Variants in ZMIZ1 observed in about 807,000 individuals in gnomAD.
ZMIZ1 encodes the protein zinc finger MIZ-type containing 1, also known as zinc finger MIZ domain-containing protein 1.
A neutral mutation model predicts 113.9 loss-of-function variants in ZMIZ1; 17 were observed. That is an observed-to-expected ratio of 0.15 (90% CI 0.10 to 0.22). ZMIZ1 has a LOEUF of 0.22. Among genes scored for constraint, ZMIZ1 ranks in the 10% least tolerant of loss-of-function variants. The pLI is 1.00. For missense variants in ZMIZ1, 1,059 were observed against 1,477.8 expected (o/e 0.72, Z 4.65); for synonymous variants, 607 against 603.1 (o/e 1.01, Z -0.09).
At chr10:79,242,079 T>G (rs1409171925) in intron 7 of ZMIZ1, among the ~76,000 whole-genome samples, 1 of 150,618 alleles carries the variant, frequency 6.6e-6, no homozygotes, top group Non-Finnish European at 1.5e-5. Flanking sequence ...GAGGGGGTAA[T>G]GATGACAGGG....
chr10:79,227,401 G>A (rs1849237077), intron 7 of ZMIZ1, among the ~76,000 whole-genome samples: 1 of 152,226 alleles, frequency 6.6e-6, no homozygotes, highest in Admixed American at 6.5e-5. Context: ...GTTTCATAGA[G>A]AAGGGTGGTC....
At chr10:79,093,076 T>A (rs1277037603) in intron 1 of ZMIZ1, among the ~76,000 whole-genome samples, 1 of 150,622 alleles carries the variant, frequency 6.6e-6, no homozygotes, top group African/African-American at 2.4e-5. Context: ...AGAGAATGAA[T>A]GAGTGGCAGG....
At chr10:79,205,402 C>G in intron 5 of ZMIZ1, among the ~76,000 whole-genome samples, 1 of 152,224 alleles carries the variant, frequency 6.6e-6, no homozygotes, top group East Asian at 1.9e-4. Flanking sequence ...GTTAACTGCT[C>G]CCCAATCATT....
At chr10:79,139,045 C>T (rs1845144817) in intron 2 of ZMIZ1, among the ~76,000 whole-genome samples, 1 of 152,186 alleles carries the variant, frequency 6.6e-6, no homozygotes, top group Non-Finnish European at 1.5e-5. Flanking sequence ...TTAAACTCTG[C>T]ATCTGGGCCT....
chr10:79,292,208 C>G lies in ZMIZ1; in HGVS notation c.809C>G (p.Thr270Ser), dbSNP rs1853542378. The G allele has an allele frequency of 6.2e-7, 1 of 1,612,178 alleles. No individual in the cohort carries two copies. Among genetic ancestry groups the G allele is most frequent in the Non-Finnish European group, 8.5e-7 (1 of 1,179,678 alleles). Reference sequence around the variant, plus strand: ...GCAGGCATGGGCATCCCTCCGCACACCAGGCCGCCTGCTGACTTCACTCAG... The same window carrying G: ...GCAGGCATGGGCATCCCTCCGCACAGCAGGCCGCCTGCTGACTTCACTCAG... ...APAGMGIPPH[T>S]RPPADFTQPA... The change falls in exon 11 of 25, where the codon ACC becomes AGC. Residue 270 changes from threonine (T) to serine (S), a missense_variant. By Grantham distance (58) the Thr-to-Ser change is moderately conservative. Around this residue, in one of 6 missense-constraint regions of ZMIZ1, gnomAD observed 23 missense variants for 73.3 expected, o/e 0.31. Transcript: ENST00000334512.
chr10:79,261,649 A>G (rs1436265223), intron 7 of ZMIZ1, among the ~76,000 whole-genome samples: 3 of 152,222 alleles, frequency 2.0e-5, no homozygotes, highest in African/African-American at 7.2e-5. Context: ...CAGAGGGCTG[A>G]GGGACACCAG....
chr10:79,133,635 T>A (rs1844867424), intron 2 of ZMIZ1, among the ~76,000 whole-genome samples: 1 of 152,134 alleles, frequency 6.6e-6, no homozygotes, highest in Non-Finnish European at 1.5e-5. Context: ...CATGGGGACC[T>A]TGGTAGTGCA....
intron 7 of ZMIZ1, among the ~76,000 whole-genome samples, chr10:79,237,483 A>T (rs1258641453): frequency 6.6e-6 from 1 of 152,230 alleles, no homozygotes; most frequent in East Asian, 1.9e-4. Context: ...GGAAGGTGTC[A>T]GTAGGGCCAA....
intron 1 of ZMIZ1, among the ~76,000 whole-genome samples, chr10:79,081,348 A>T (rs72816226): frequency 0.13 from 19,903 of 152,034 alleles, 1,428 homozygotes; most frequent in East Asian, 0.2. Flanking sequence ...CTCTGGTAAG[A>T]GTCTGGGCAG....
intron 7 of ZMIZ1, among the ~76,000 whole-genome samples, chr10:79,219,140 A>G (rs939777427): frequency 2.6e-5 from 4 of 152,054 alleles, no homozygotes; most frequent in Admixed American, 1.3e-4. Flanking sequence ...GGAAGACAAG[A>G]GTGGAATGGA....
At chr10:79,292,396 C>T in intron 11 of ZMIZ1, 40 bp downstream of exon 11, 1 of 1,582,574 alleles carries the variant, frequency 6.3e-7, no homozygotes, top group East Asian at 2.3e-5. Flanking sequence ...CTTGCCCAGC[C>T]AGCCAGGCAG....
At chr10:79,219,315 G>A (rs960653212) in intron 7 of ZMIZ1, among the ~76,000 whole-genome samples, 3 of 152,220 alleles carry the variant, frequency 2.0e-5, no homozygotes, top group Non-Finnish European at 2.9e-5. Flanking sequence ...CTGCTGGCAC[G>A]TGCTGGGTGT....
chr10:79,285,405 C>G (rs1370963664), intron 8 of ZMIZ1: 1 of 452,674 alleles, frequency 2.2e-6, no homozygotes, highest in South Asian at 1.6e-5. Flanking sequence ...ACACTTAACC[C>G]TCACGGCAGC....
At chr10:79,137,912 A>G (rs1845084023) in intron 2 of ZMIZ1, among the ~76,000 whole-genome samples, 1 of 152,012 alleles carries the variant, frequency 6.6e-6, no homozygotes, top group South Asian at 2.1e-4. Context: ...TCTGACAGGG[A>G]CATTTATAAC....
At chr10:79,268,476 T>C (rs780475356) in intron 7 of ZMIZ1, among the ~76,000 whole-genome samples, 1 of 152,196 alleles carries the variant, frequency 6.6e-6, no homozygotes, top group South Asian at 2.1e-4. Context: ...GTTGTCCGGG[T>C]CTCAGTGTCT....
At chr10:79,148,138 CT>C (rs1589337449) in intron 3 of ZMIZ1, among the ~76,000 whole-genome samples, 1 of 152,332 alleles carries the variant, frequency 6.6e-6, no homozygotes, top group East Asian at 1.9e-4. Flanking sequence ...CTTCTTCCCT[CT>C]TTCCTTCCTT....
intron 1 of ZMIZ1, among the ~76,000 whole-genome samples, chr10:79,111,613 C>T (rs569202287): frequency 1.2e-4 from 19 of 152,346 alleles, no homozygotes; most frequent in African/African-American, 4.3e-4. Context: ...AGCCTGAGAC[C>T]TTGGCACCAG....
intron 1 of ZMIZ1, among the ~76,000 whole-genome samples, chr10:79,095,824 G>A (rs569681998): frequency 6.6e-6 from 1 of 152,270 alleles, no homozygotes; most frequent in Non-Finnish European, 1.5e-5. Flanking sequence ...TGGGGCTGCT[G>A]GGGTCCCTGC....
At chr10:79,155,322 C>T (rs1845867003) in intron 3 of ZMIZ1, among the ~76,000 whole-genome samples, 1 of 152,232 alleles carries the variant, frequency 6.6e-6, no homozygotes, top group African/African-American at 2.4e-5. Flanking sequence ...AGCTTTCCCC[C>T]TCCCTTTCCC....
Sources: allele counts gnomAD v4.1 joint callset (sites outside exome capture counted in the v4.1 genomes callset), GRCh38; gene constraint gnomAD v4.1.1; regional missense constraint gnomAD v4.1.1; transcripts MANE v1.5; gene names NCBI Gene and HGNC (gene_info 2026-07-23, HGNC 2026-07-21).